The following BORCS5 variants were observed in gnomAD, a reference collection of about 807,000 sequenced individuals.
BORCS5 encodes BLOC-1-related complex subunit 5.
Under a neutral mutation model 22.1 loss-of-function variants are expected in BORCS5, and 17 were observed. The ratio of observed to expected loss-of-function variants is 0.77; its 90% CI spans 0.53 to 1.15. The LOEUF (loss-of-function observed/expected upper bound fraction) is 1.15. Among genes scored for constraint, BORCS5 ranks in the 50% most tolerant of loss-of-function variants. The probability of loss-of-function intolerance (pLI) is 0.00; values close to 1 mark genes in which losing one functional copy is unlikely to be tolerated. For synonymous variants in BORCS5, 117 were observed against 99.8 expected, an observed-to-expected ratio of 1.17 and a Z score of -1.03; for missense variants, 247 against 253.2, an observed-to-expected ratio of 0.98 and a Z score of 0.17.
intron 3 of BORCS5, among the ~76,000 whole-genome samples, chr12:12,443,413 C>A (rs1016279304): frequency 3.3e-5 from 5 of 152,220 alleles, no homozygotes; most frequent in African/African-American, 9.6e-5. Context: ...TAGTTTCCCC[C>A]CTTCTTGTCC....
At chr12:12,424,529 T>C (rs1330299750) in intron 2 of BORCS5, among the ~76,000 whole-genome samples, 1 of 152,172 alleles carries the variant, frequency 6.6e-6, no homozygotes, top group Non-Finnish European at 1.5e-5. Flanking sequence ...CATTGTCTTT[T>C]TTCAGGGACA....
chr12:12,435,530 G>T, intron 2 of BORCS5, 98 bp from the exon 3 acceptor site: 1 of 939,264 alleles, frequency 1.1e-6, no homozygotes. Context: ...AGATTAAATT[G>T]AAGTCTTACC....
At chr12:12,445,222 T>C (rs1425769831) in intron 3 of BORCS5, among the ~76,000 whole-genome samples, 1 of 152,126 alleles carries the variant, frequency 6.6e-6, no homozygotes, top group African/African-American at 2.4e-5. Flanking sequence ...TAAATTTTTT[T>C]GTAGAGACAG....
chr12:12,412,951 C>G (rs1315085248), intron 2 of BORCS5, among the ~76,000 whole-genome samples: 1 of 109,846 alleles, frequency 9.1e-6, no homozygotes, highest in Non-Finnish European at 1.8e-5. Flanking sequence ...GTGTTTCTCA[C>G]AGAGGGGGAT....
At chr12:12,411,844 C>T (rs886552183) in intron 2 of BORCS5, among the ~76,000 whole-genome samples, 2 of 152,150 alleles carry the variant, frequency 1.3e-5, no homozygotes, top group African/African-American at 4.8e-5. Context: ...CATTCTTTTG[C>T]ATGTGGATAG....
Position 12,357,343 on chromosome 12 carries a change from G to T in BORCS5, c.-109G>T. On this transcript the variant is annotated 5_prime_UTR_variant, in exon 1 of 4. Transcript: ENST00000314565. ...CACATTAGCCTCGCTGCGGCGCCCA[G>T]ACTCTGCTTTGCCTCCCCGTCCCGG... The T allele has an allele frequency of 1.3e-6, 2 of 1,492,450 alleles. No individual in the cohort carries two copies. Among genetic ancestry groups the T allele is most frequent in the South Asian group, 2.6e-5 (2 of 76,872 alleles). 92.5% of individuals were successfully genotyped at this position (1,492,450 alleles called of 1,614,324 possible). A position where few individuals can be genotyped will look rare whatever the true frequency, so the allele number is the denominator to read the frequency against.
intron 2 of BORCS5, among the ~76,000 whole-genome samples, chr12:12,401,797 G>A (rs1053600541): frequency 6.6e-6 from 1 of 152,036 alleles, no homozygotes; most frequent in Non-Finnish European, 1.5e-5. Context: ...GGTGGTTCAC[G>A]CCTGTAATCC....
intron 2 of BORCS5, among the ~76,000 whole-genome samples, chr12:12,368,572 G>A (rs867683153): frequency 4.2e-4 from 63 of 151,562 alleles, no homozygotes; most frequent in Non-Finnish European, 2.8e-4. Flanking sequence ...AGCCTCCCAA[G>A]GAGCTGGGAC....
intron 2 of BORCS5, among the ~76,000 whole-genome samples, chr12:12,402,899 G>A (rs1941509527): frequency 1.3e-5 from 2 of 152,138 alleles, no homozygotes; most frequent in African/African-American, 4.8e-5. Context: ...TTGTATACGT[G>A]AACGTTGGTA....
chr12:12,447,257 C>G (rs1942808164), intron 3 of BORCS5, among the ~76,000 whole-genome samples: 1 of 152,214 alleles, frequency 6.6e-6, no homozygotes, highest in African/African-American at 2.4e-5. Context: ...GCTGTGCCCC[C>G]TCCTGCTGGT....
intron 2 of BORCS5, among the ~76,000 whole-genome samples, chr12:12,372,674 G>A (rs1037856416): frequency 2.0e-5 from 3 of 151,950 alleles, no homozygotes; most frequent in Non-Finnish European, 4.4e-5. Context: ...CACTACTAAG[G>A]TGAAATCCTT....
chr12:12,413,752 A>T (rs1241260123), intron 2 of BORCS5, among the ~76,000 whole-genome samples: 2 of 79,996 alleles, frequency 2.5e-5, no homozygotes, highest in Non-Finnish European at 5.0e-5. Context: ...CTGGCCAGGC[A>T]GAGGGGCTCC....
chr12:12,420,935 TA>T (rs1942103730), intron 2 of BORCS5, among the ~76,000 whole-genome samples: 1 of 152,244 alleles, frequency 6.6e-6, no homozygotes, highest in South Asian at 2.1e-4. Flanking sequence ...CTTATCAGCT[TA>T]AGGAGATTTG....
rs1483861621 is a variant in BORCS5 at position 12,379,776 on chromosome 12, G to GT, written c.202+18432dup. Among the ~76,000 whole-genome samples the GT allele has an allele frequency of 1.2e-4, 18 of 151,508 alleles. 1 individual carries two copies. Among genetic ancestry groups the GT allele is most frequent in the Admixed American group, 9.9e-4 (15 of 15,208 alleles). ...AACTTTTTATGTCAGCACTAGGGCT[G>GT]TTTTTGCCTTTGTGTGTTCACTGGA... On this transcript the variant is annotated intron_variant, in intron 2 of 3. Transcript: ENST00000314565.
chr12:12,433,469 T>C (rs926332867), intron 2 of BORCS5, among the ~76,000 whole-genome samples: 6 of 151,574 alleles, frequency 4.0e-5, no homozygotes, highest in Non-Finnish European at 5.9e-5. Context: ...GGAGATACCA[T>C]CTCTAAACCA....
At chr12:12,422,995 T>A (rs1332111496) in intron 2 of BORCS5, among the ~76,000 whole-genome samples, 1 of 151,176 alleles carries the variant, frequency 6.6e-6, no homozygotes, top group African/African-American at 2.4e-5. Flanking sequence ...TTTTTTTTTA[T>A]TTTTTATTTA....
intron 2 of BORCS5, among the ~76,000 whole-genome samples, chr12:12,409,471 CAT>C (rs1941668832): frequency 6.6e-6 from 1 of 151,626 alleles, no homozygotes; most frequent in African/African-American, 2.4e-5. Flanking sequence ...TGAGTGAGAA[CAT>C]ATGGTGTTTG....
At chr12:12,415,021 T>G (rs1282255969) in intron 2 of BORCS5, among the ~76,000 whole-genome samples, 1 of 125,366 alleles carries the variant, frequency 8.0e-6, no homozygotes, top group African/African-American at 2.9e-5. Flanking sequence ...CCTCGCTTCC[T>G]AGATGGGATG....
intron 2 of BORCS5, among the ~76,000 whole-genome samples, chr12:12,381,106 G>T (rs988001607): frequency 6.7e-6 from 1 of 149,740 alleles, no homozygotes; most frequent in African/African-American, 2.5e-5. Flanking sequence ...CCACCTCCTG[G>T]GTTCAAGCAG....
Sources: gnomAD v4.1 joint callset for allele counts (sites outside exome capture counted in the v4.1 genomes callset) on GRCh38, gnomAD v4.1.1 for gene constraint, MANE v1.5 for transcripts, NCBI Gene and HGNC (gene_info 2026-07-23, HGNC 2026-07-21) for gene names.